Variants in FAF1 observed in about 807,000 individuals in gnomAD.
The protein encoded by FAF1 is Fas associated factor 1, also known as FAS-associated factor 1.
A neutral mutation model predicts 92.5 loss-of-function variants in FAF1; 25 were observed. The observed-to-expected ratio is 0.27, with a 90% CI of 0.20 to 0.38. FAF1 has a LOEUF of 0.38. Ranked by LOEUF, FAF1 falls within the 10% of genes least tolerant of loss-of-function variation. FAF1 has a pLI of 1.00. For missense variants in FAF1, 636 were observed against 793.3 expected (o/e 0.80, Z 2.38); for synonymous variants, 234 against 273.2 (o/e 0.86, Z 1.42).
At chr1:50,694,786 AAAATAC>A (rs1657112530) in intron 7 of FAF1, among the ~76,000 whole-genome samples, 1 of 146,600 alleles carries the variant, frequency 6.8e-6, no homozygotes, top group African/African-American at 2.6e-5. Context: ...TCTCTACTAA[AAAATAC>A]AAAAAAAAAA....
At chr1:50,869,314 C>T (rs915912890) in intron 1 of FAF1, among the ~76,000 whole-genome samples, 2 of 152,076 alleles carry the variant, frequency 1.3e-5, no homozygotes, top group Admixed American at 6.5e-5. Context: ...ACTACAACAA[C>T]ATCTGCCTCT....
chr1:50,446,805 CTTTTTA>C (rs1195893184), intron 18 of FAF1, among the ~76,000 whole-genome samples: 1 of 151,802 alleles, frequency 6.6e-6, no homozygotes, highest in East Asian at 1.9e-4. Flanking sequence ...TCTTCTTTTT[CTTTTTA>C]ATGTTCCTAA....
intron 2 of FAF1, among the ~76,000 whole-genome samples, chr1:50,805,886 A>G (rs1000793262): frequency 2.6e-5 from 4 of 152,212 alleles, no homozygotes; most frequent in African/African-American, 7.2e-5. Context: ...AGGCATTTTC[A>G]AAGTACATTA....
chr1:50,667,696 T>A (rs1175242095), intron 7 of FAF1, among the ~76,000 whole-genome samples: 1 of 152,210 alleles, frequency 6.6e-6, no homozygotes. Flanking sequence ...TGTCATTCAC[T>A]TAGTTAATGT....
chr1:50,669,118 A>G (rs908480389), intron 7 of FAF1, among the ~76,000 whole-genome samples: 2 of 152,170 alleles, frequency 1.3e-5, no homozygotes, highest in African/African-American at 4.8e-5. Context: ...ACCCTACACT[A>G]AATTTAAAGC....
At chr1:50,491,081 A>C (rs1185788306) in intron 16 of FAF1, among the ~76,000 whole-genome samples, 1 of 151,916 alleles carries the variant, frequency 6.6e-6, no homozygotes, top group Admixed American at 6.6e-5. Flanking sequence ...CTTCCCTCCT[A>C]CTGCTCTTTC....
At chr1:50,855,791 G>A (rs557655508) in intron 2 of FAF1, among the ~76,000 whole-genome samples, 2 of 151,892 alleles carry the variant, frequency 1.3e-5, no homozygotes, top group East Asian at 1.9e-4. Flanking sequence ...AGCCAGCTAG[G>A]AGATAGACAT....
chr1:50,765,659 C>A (rs549453992), intron 4 of FAF1, among the ~76,000 whole-genome samples: 9 of 152,310 alleles, frequency 5.9e-5, no homozygotes, highest in Non-Finnish European at 1.2e-4. Flanking sequence ...ATGACTATTA[C>A]TGAGCCAAAT....
chr1:50,478,921 C>T (rs537676517), intron 17 of FAF1, among the ~76,000 whole-genome samples: 103 of 152,264 alleles, frequency 6.8e-4, no homozygotes, highest in Non-Finnish European at 1.2e-3. Context: ...CTTAAGTGTA[C>T]AACTTGATAA....
intron 7 of FAF1, among the ~76,000 whole-genome samples, chr1:50,674,559 G>GTTTATATGGT (rs1318759534): frequency 1.3e-5 from 2 of 152,202 alleles, no homozygotes; most frequent in Non-Finnish European, 2.9e-5. Flanking sequence ...GGTGGGTGTT[G>GTTTATATGGT]TTTATATGGT....
intron 13 of FAF1, among the ~76,000 whole-genome samples, chr1:50,546,302 G>T (rs1024303484): frequency 1.3e-5 from 2 of 152,118 alleles, no homozygotes; most frequent in Admixed American, 1.3e-4. Context: ...TAAAAGGAAG[G>T]TATTAAATTG....
chr1:50,536,463 C>A (rs1183639061), intron 14 of FAF1, among the ~76,000 whole-genome samples: 4 of 152,190 alleles, frequency 2.6e-5, no homozygotes, highest in Admixed American at 2.0e-4. Flanking sequence ...ACAATAAAGA[C>A]CAAACATTCT....
At chr1:50,692,850 G>A (rs1192613574) in intron 7 of FAF1, among the ~76,000 whole-genome samples, 3 of 151,844 alleles carry the variant, frequency 2.0e-5, no homozygotes, top group Non-Finnish European at 4.4e-5. Context: ...TTTGCTTATT[G>A]GCTGTTTGCA....
At chr1:50,600,612 T>C (rs1406068251) in intron 8 of FAF1, among the ~76,000 whole-genome samples, 1 of 152,142 alleles carries the variant, frequency 6.6e-6, no homozygotes, top group Non-Finnish European at 1.5e-5. Flanking sequence ...GAATAATATC[T>C]ATAATTATTT....
At chr1:50,756,834 T>C (rs1009721168) in intron 4 of FAF1, among the ~76,000 whole-genome samples, 4 of 152,166 alleles carry the variant, frequency 2.6e-5, no homozygotes, top group African/African-American at 9.7e-5. Flanking sequence ...ATGAGACTTA[T>C]TCACTATCAC....
intron 1 of FAF1, among the ~76,000 whole-genome samples, chr1:50,872,614 AGGCTGGGCGCGGT>A (rs1644537451): frequency 6.6e-6 from 1 of 152,142 alleles, no homozygotes; most frequent in Non-Finnish European, 1.5e-5. Flanking sequence ...GCTATCAAAC[AGGCTGGGCGCGGT>A]GGCTCATGCC....
intron 8 of FAF1, among the ~76,000 whole-genome samples, chr1:50,649,062 G>T (rs1654729155): frequency 6.6e-6 from 1 of 151,670 alleles, no homozygotes; most frequent in Non-Finnish European, 1.5e-5. Context: ...GATTACAGGT[G>T]TGAGCCACCG....
intron 2 of FAF1, among the ~76,000 whole-genome samples, chr1:50,816,470 C>T (rs1643977417): frequency 6.6e-6 from 1 of 151,930 alleles, no homozygotes; most frequent in Non-Finnish European, 1.5e-5. Context: ...TCCCAAAGTG[C>T]TGGGATTACA....
At chr1:50,943,984 C>G (rs12065719) in intron 1 of FAF1, among the ~76,000 whole-genome samples, 3,056 of 152,288 alleles carry the variant, frequency 0.02, 101 homozygotes, top group African/African-American at 0.071. Context: ...CAGTTCAGTT[C>G]AGAACAGTGA....
Sources: gnomAD v4.1 joint callset for allele counts (sites outside exome capture counted in the v4.1 genomes callset) on GRCh38, gnomAD v4.1.1 for gene constraint, MANE v1.5 for transcripts, NCBI Gene and HGNC (gene_info 2026-07-23, HGNC 2026-07-21) for gene names.